The following SF3B1 variants were observed in gnomAD, a reference collection of about 807,000 sequenced individuals.
SF3B1 encodes the protein pre-mRNA processing 10.
Under a neutral mutation model 153.8 loss-of-function variants are expected in SF3B1, and 12 were observed. That is an observed-to-expected ratio of 0.08 (90% CI 0.05 to 0.13). The LOEUF (loss-of-function observed/expected upper bound fraction) is 0.13, where lower values mean the gene tolerates loss of function less well. Ranked by LOEUF, SF3B1 falls within the 10% of genes least tolerant of loss-of-function variation. SF3B1 has a pLI of 1.00. For missense variants in SF3B1, 513 were observed against 1,606.1 expected, an observed-to-expected ratio of 0.32 and a Z score of 11.63; for synonymous variants, 498 against 525.2, an observed-to-expected ratio of 0.95 and a Z score of 0.71.
intron 1 of SF3B1, among the ~76,000 whole-genome samples, chr2:197,434,643 CCTT>C (rs1181134493): frequency 6.6e-6 from 1 of 152,224 alleles, no homozygotes; most frequent in Non-Finnish European, 1.5e-5. Flanking sequence ...GCGAGTGAGA[CCTT>C]CTCCCCACGC....
intron 4 of SF3B1, 188 bp from the exon 5 acceptor site, chr2:197,418,776 A>G: frequency 2.7e-6 from 4 of 1,469,440 alleles, no homozygotes; most frequent in Non-Finnish European, 3.6e-6. Context: ...AACCTGTTTG[A>G]ACACAAACAT....
rs1306256861 is a variant in SF3B1, at chr2:197,401,966, AG to A, written c.2223+18del. The A allele has an allele frequency of 6.8e-6, 11 of 1,606,408 alleles. No individual in the cohort carries two copies. The African/African-American group carries it at 1.1e-4, about 16-fold the overall frequency. On this transcript the variant is annotated intron_variant, in intron 15 of 24. Transcript: ENST00000335508. This position sits in a 1 kb window ranked among gnomAD's most constrained non-coding sequence, Gnocchi z 4.2. ...TTAACTTTAATGAAGATAAATCAAA[AG>A]GTAATTGGTGGATTTACCTTTCCTC... is the stretch of plus-strand genomic sequence containing the variant.
intron 6 of SF3B1, among the ~76,000 whole-genome samples, chr2:197,414,972 C>A (rs537985167): frequency 1.3e-5 from 2 of 151,976 alleles, no homozygotes; most frequent in South Asian, 4.2e-4. Flanking sequence ...CCCCTGCACT[C>A]CAACCTTGGC....
Position 197,400,558 on chromosome 2 carries a change from T to C in SF3B1, c.2719-124A>G, listed in dbSNP as rs2084927571. The C allele has an allele frequency of 9.5e-7, 1 of 1,052,320 alleles. No homozygotes were observed. Among genetic ancestry groups the C allele is most frequent in the Non-Finnish European group, 1.4e-6 (1 of 733,822 alleles). The allele number at this position is 1,052,320 out of a possible 1,614,324, so 65.2% of individuals were successfully genotyped here. ...GTTGCTGTTTTTTTACATCAAATCTTAAAACTTGAGGTAGAATAATATCGT... is the reference window on the plus strand; with the variant it reads ...GTTGCTGTTTTTTTACATCAAATCTCAAAACTTGAGGTAGAATAATATCGT... On this transcript the variant is annotated intron_variant, in intron 18 of 24. Transcript: ENST00000335508. This position sits in a 1 kb window ranked among gnomAD's most constrained non-coding sequence, Gnocchi z 5.0.
intron 22 of SF3B1, among the ~76,000 whole-genome samples, chr2:197,397,361 T>C (rs1339374306): frequency 1.3e-5 from 2 of 152,210 alleles, no homozygotes; most frequent in East Asian, 3.8e-4. Context: ...ACTAAAAACT[T>C]GCCTTAATAG....
intron 4 of SF3B1, chr2:197,419,194 A>G (rs912316695): frequency 3.0e-5 from 14 of 460,296 alleles, no homozygotes; most frequent in African/African-American, 2.0e-5. Flanking sequence ...CCCAGAAAAC[A>G]TATTTTTATT....
chr2:197,410,214 C>T (rs769321499), intron 6 of SF3B1, among the ~76,000 whole-genome samples: 9 of 151,964 alleles, frequency 5.9e-5, no homozygotes, highest in East Asian at 1.9e-4. Context: ...AGTTTCAATC[C>T]GAAGCACTGA....
At chr2:197,414,886 C>A (rs1422540172) in intron 6 of SF3B1, among the ~76,000 whole-genome samples, 1 of 151,932 alleles carries the variant, frequency 6.6e-6, no homozygotes, top group African/African-American at 2.4e-5. Context: ...TGTCTATAGT[C>A]CCATCTACTT....
In SF3B1 at chr2:197,416,929, T is replaced by C. The variant is rs538509794; in HGVS notation, c.496-18A>G. 9 of 1,599,030 alleles carry C rather than the reference T, an allele frequency of 5.6e-6. No individual in the cohort carries two copies. In the African/African-American group the frequency reaches 6.7e-5, roughly 12 times the overall value. On this transcript the variant is annotated intron_variant, in intron 5 of 24. Transcript: ENST00000335508. ...ATTTCTCGCTGAAAAAAACAGTGAG[T>C]ATTTACCTTTAAAATGCTTTCAATG...
chr2:197,429,576 G>C (rs1285242469), intron 1 of SF3B1, among the ~76,000 whole-genome samples: 1 of 152,156 alleles, frequency 6.6e-6, no homozygotes, highest in African/African-American at 2.4e-5. Context: ...CTGAGGTCAG[G>C]AGTTCGAGAC....
At chr2:197,404,339 G>C (rs1379573730) in intron 11 of SF3B1, among the ~76,000 whole-genome samples, 1 of 152,080 alleles carries the variant, frequency 6.6e-6, no homozygotes, top group Non-Finnish European at 1.5e-5. Context: ...CAGCACTTTG[G>C]GAGACCGAGG....
intron 6 of SF3B1, among the ~76,000 whole-genome samples, chr2:197,416,243 C>A (rs1202601268): frequency 1.3e-5 from 2 of 152,036 alleles, no homozygotes; most frequent in Non-Finnish European, 2.9e-5. Flanking sequence ...ATAAGGAAGA[C>A]CACTATATCA....
At chr2:197,425,877 A>G (rs1004299002) in intron 1 of SF3B1, among the ~76,000 whole-genome samples, 1 of 151,848 alleles carries the variant, frequency 6.6e-6, no homozygotes, top group Admixed American at 6.6e-5. Flanking sequence ...GCAAACCTAT[A>G]GTCCCCTGCC....
chr2:197,404,514 T>C (rs183973038), intron 11 of SF3B1, among the ~76,000 whole-genome samples: 93 of 151,922 alleles, frequency 6.1e-4, no homozygotes, highest in African/African-American at 1.8e-3. Flanking sequence ...GAGGCGGAGG[T>C]TGCAGTGAGC....
At chr2:197,403,394 A>T (rs1020483350) in intron 12 of SF3B1, among the ~76,000 whole-genome samples, 191 bp downstream of exon 12, 28 of 152,226 alleles carry the variant, frequency 1.8e-4, no homozygotes, top group Admixed American at 1.4e-3. Context: ...TGAAAAAATT[A>T]AATAATATGA....
intron 6 of SF3B1, among the ~76,000 whole-genome samples, chr2:197,410,786 G>T (rs983814478): frequency 6.6e-6 from 1 of 152,114 alleles, no homozygotes; most frequent in East Asian, 1.9e-4. Flanking sequence ...TTACAGGCGT[G>T]AGCCACCGCA....
intron 6 of SF3B1, among the ~76,000 whole-genome samples, chr2:197,412,607 T>C (rs998467138): frequency 1.3e-5 from 2 of 151,720 alleles, no homozygotes; most frequent in African/African-American, 2.4e-5. Context: ...TCTGCCCGCT[T>C]GGCCTCCCAA....
chr2:197,408,641 T>C (rs1006263940), intron 7 of SF3B1, 60 bp from the exon 8 acceptor site: 11 of 1,117,198 alleles, frequency 9.8e-6, no homozygotes, highest in Non-Finnish European at 1.2e-5. Context: ...TAATATTCTT[T>C]ATTCTCAAAC....
intron 6 of SF3B1, among the ~76,000 whole-genome samples, chr2:197,412,656 G>A (rs112745179): frequency 0.04 from 6,046 of 150,962 alleles, 389 homozygotes; most frequent in African/African-American, 0.14. Flanking sequence ...GCGTCTGGCC[G>A]AGTCTCTGTA....
Sources: allele counts gnomAD v4.1 joint callset (sites outside exome capture counted in the v4.1 genomes callset), GRCh38; gene constraint gnomAD v4.1.1; non-coding constraint Gnocchi (gnomAD v3.1); transcripts MANE v1.5; gene names NCBI Gene and HGNC (gene_info 2026-07-23, HGNC 2026-07-21).